Variants in GPD2 observed in about 807,000 individuals in gnomAD.
GPD2 encodes glycerol-3-phosphate dehydrogenase 2.
In GPD2, 54 loss-of-function variants were observed where a neutral mutation model predicts 82.4. The ratio of observed to expected loss-of-function variants is 0.66; its 90% CI spans 0.53 to 0.82. GPD2 has a LOEUF of 0.82. Among genes scored for constraint, GPD2 ranks in the 40% least tolerant of loss-of-function variants. The probability of loss-of-function intolerance (pLI) is 0.00; values close to 1 mark genes in which losing one functional copy is unlikely to be tolerated. For synonymous variants in GPD2, 288 were observed against 306.1 expected (o/e 0.94, Z 0.62); for missense variants, 748 against 896.2 (o/e 0.83, Z 2.11).
chr2:156,459,186 C>T (rs752533611), intron 1 of GPD2, among the ~76,000 whole-genome samples: 1 of 152,040 alleles, frequency 6.6e-6, no homozygotes, highest in Admixed American at 6.6e-5. Context: ...TTTAAGGGTG[C>T]CATTTATTTT....
At chr2:156,569,888 T>C (rs1439731524) in intron 11 of GPD2, among the ~76,000 whole-genome samples, 199 bp from the exon 12 acceptor site, 1 of 152,102 alleles carries the variant, frequency 6.6e-6, no homozygotes, top group Non-Finnish European at 1.5e-5. Context: ...CAGTGATACA[T>C]GTGTAAGAGA....
intron 8 of GPD2, among the ~76,000 whole-genome samples, chr2:156,554,624 T>C (rs931697205): frequency 3.3e-5 from 5 of 152,206 alleles, no homozygotes; most frequent in Admixed American, 2.6e-4. Context: ...ACAGAAATTA[T>C]TTTTAAAGCT....
At chr2:156,514,609 C>T (rs1685129328) in intron 6 of GPD2, among the ~76,000 whole-genome samples, 1 of 151,796 alleles carries the variant, frequency 6.6e-6, no homozygotes, top group Non-Finnish European at 1.5e-5. Context: ...GTCAGGCTTT[C>T]ATATATAAAT....
intron 9 of GPD2, among the ~76,000 whole-genome samples, chr2:156,557,806 A>G (rs983117642): frequency 1.3e-4 from 20 of 152,172 alleles, no homozygotes; most frequent in African/African-American, 4.3e-4. Context: ...TCCTCTTCTG[A>G]TAATTCCTAA....
chr2:156,581,350 T>C (rs1043843990), intron 16 of GPD2, among the ~76,000 whole-genome samples: 3 of 152,142 alleles, frequency 2.0e-5, no homozygotes, highest in African/African-American at 7.2e-5. Flanking sequence ...ACATGTAGTG[T>C]TTAAAGAAAA....
chr2:156,571,371 A>T, intron 13 of GPD2, 79 bp downstream of exon 13: 1 of 862,202 alleles, frequency 1.2e-6, no homozygotes, highest in Non-Finnish European at 1.8e-6. Flanking sequence ...AAGCTAGCGT[A>T]GTTTTTGATG....
At chr2:156,418,234 A>C in the GPD2 span, among the ~76,000 whole-genome samples, 2 of 146,756 alleles carry the variant, frequency 1.4e-5, no homozygotes, top group Non-Finnish European at 3.1e-5. Flanking sequence ...AAAAAAAAAA[A>C]CCCACAAAAA....
At chr2:156,490,919 A>T (rs1307377506) in intron 2 of GPD2, among the ~76,000 whole-genome samples, 3 of 151,776 alleles carry the variant, frequency 2.0e-5, no homozygotes, top group Non-Finnish European at 4.4e-5. Context: ...TTTGTAGTAT[A>T]AAGTGCAGTA....
Position 156,545,852 on chromosome 2 carries a change from G to A in GPD2, c.662-3756G>A, listed in dbSNP as rs138351726. ...TGACTCTGAGGAGAGCAGTATTGCTGTCTCCAAAATATTTATATTTGAGGC... is the reference window on the plus strand; with the variant it reads ...TGACTCTGAGGAGAGCAGTATTGCTATCTCCAAAATATTTATATTTGAGGC... On this transcript the variant is annotated intron_variant, in intron 6 of 16. Transcript: ENST00000438166. 2.0e-5 allele frequency among the ~76,000 whole-genome samples: 3 copies of A among 152,198 alleles called. No individual in the cohort carries two copies. The East Asian group carries it at 5.8e-4, about 29-fold the overall frequency.
intron 3 of GPD2, among the ~76,000 whole-genome samples, chr2:156,507,975 C>T (rs1684847263): frequency 6.6e-6 from 1 of 152,110 alleles, no homozygotes. Context: ...CTTTTCTTTC[C>T]TGATGACTCC....
chr2:156,521,659 C>T (rs992248123), intron 6 of GPD2, among the ~76,000 whole-genome samples: 1 of 152,248 alleles, frequency 6.6e-6, no homozygotes, highest in Non-Finnish European at 1.5e-5. Flanking sequence ...GCCAAACATT[C>T]TTAGGATAAA....
At chr2:156,433,423 G>A (rs1347965173), upstream of GPD2, among the ~76,000 whole-genome samples, 5 of 151,928 alleles carry the variant, frequency 3.3e-5, no homozygotes, top group Non-Finnish European at 7.4e-5. Flanking sequence ...TGACCTTGTG[G>A]CCCTCCACCC....
intron 9 of GPD2, among the ~76,000 whole-genome samples, chr2:156,565,847 G>GCTTCAGTAAGAACTTAC (rs1687369342): frequency 6.6e-6 from 1 of 151,990 alleles, no homozygotes; most frequent in Non-Finnish European, 1.5e-5. Flanking sequence ...GTTTTATTTT[G>GCTTCAGTAAGAACTTAC]TTTTGCTTCA....
intron 9 of GPD2, among the ~76,000 whole-genome samples, chr2:156,563,361 T>C (rs936548479): frequency 1.3e-5 from 2 of 152,142 alleles, no homozygotes; most frequent in Non-Finnish European, 2.9e-5. Context: ...TGTTAAGCTA[T>C]CCTGGCAGTA....
At position 156,583,024 on chromosome 2, in the gene GPD2, C is replaced by CT. The variant is rs1688086662; in HGVS notation, c.*112dup. 1.6e-6 allele frequency: 2 copies of CT among 1,215,072 alleles called. No individual in the cohort carries two copies. The highest frequency in any genetic ancestry group is 2.4e-6 in the Non-Finnish European group (2 of 831,036). 75.3% of individuals were successfully genotyped at this position (1,215,072 alleles called of 1,614,324 possible). On this transcript the variant is annotated 3_prime_UTR_variant, in exon 17 of 17. Coordinates refer to ENST00000438166, the MANE Select transcript of GPD2 (RefSeq NM_000408.5). The stretch of plus-strand genomic sequence containing the variant: ...TGAAATAATGAATGTGGATAGCTGC[C>CT]TTTTTTAACACTAGAAAACATTCCA...
chr2:156,531,870 C>T (rs958741773), intron 6 of GPD2, among the ~76,000 whole-genome samples: 2 of 152,198 alleles, frequency 1.3e-5, no homozygotes, highest in Non-Finnish European at 2.9e-5. Context: ...CCCACTTGGT[C>T]CTTTAATATC....
intron 1 of GPD2, among the ~76,000 whole-genome samples, chr2:156,466,413 T>C (rs559856127): frequency 4.6e-5 from 7 of 152,342 alleles, no homozygotes; most frequent in African/African-American, 1.2e-4. Flanking sequence ...ATGAGCTTCA[T>C]TGATTTCTTA....
chr2:156,543,512 A>G (rs1686407699), intron 6 of GPD2, among the ~76,000 whole-genome samples: 1 of 152,248 alleles, frequency 6.6e-6, no homozygotes, highest in African/African-American at 2.4e-5. Flanking sequence ...CAAGTGATCA[A>G]TAAATGAGTG....
intron 8 of GPD2, among the ~76,000 whole-genome samples, chr2:156,553,080 G>T (rs1686824282): frequency 6.6e-6 from 1 of 151,704 alleles, no homozygotes; most frequent in South Asian, 2.1e-4. Context: ...GTAGAGACAG[G>T]GTTTCACCAT....
Sources: allele counts gnomAD v4.1 joint callset (sites outside exome capture counted in the v4.1 genomes callset), GRCh38; gene constraint gnomAD v4.1.1; transcripts MANE v1.5; gene names NCBI Gene and HGNC (gene_info 2026-07-23, HGNC 2026-07-21).